Variants in RPGRIP1 observed in about 807,000 individuals in gnomAD.
RPGRIP1 encodes X-linked retinitis pigmentosa GTPase regulator-interacting protein 1.
Under a neutral mutation model 157.9 loss-of-function variants are expected in RPGRIP1, and 128 were observed. The ratio of observed to expected loss-of-function variants is 0.81; its 90% CI spans 0.70 to 0.94. The LOEUF (loss-of-function observed/expected upper bound fraction) is 0.94, where lower values mean the gene tolerates loss of function less well. Among genes scored for constraint, RPGRIP1 ranks in the 40% least tolerant of loss-of-function variants. The pLI, the probability that RPGRIP1 is intolerant of heterozygous loss-of-function variation, is 0.00. For synonymous variants in RPGRIP1, 554 were observed against 571.6 expected (o/e 0.97, Z 0.44); for missense variants, 1,486 against 1,545.8 (o/e 0.96, Z 0.65).
chr14:21,307,165 C>A (rs1253021077), intron 6 of RPGRIP1, among the ~76,000 whole-genome samples: 2 of 152,156 alleles, frequency 1.3e-5, no homozygotes, highest in Non-Finnish European at 2.9e-5. Context: ...TCAAGCGATT[C>A]TCTTGCCCAG....
At chr14:21,305,304 A>G (rs4981368) in intron 6 of RPGRIP1, among the ~76,000 whole-genome samples, 33,896 of 152,146 alleles carry the variant, frequency 0.22, 4,135 homozygotes, top group Admixed American at 0.33. Flanking sequence ...GGGATTACAC[A>G]GTATGTGGCC....
At chr14:21,336,733 A>G (rs987262626) in intron 21 of RPGRIP1, among the ~76,000 whole-genome samples, 1 of 152,232 alleles carries the variant, frequency 6.6e-6, no homozygotes, top group African/African-American at 2.4e-5. Context: ...TTATTGAGTT[A>G]GTGAAAGAGC....
chr14:21,298,027 G>A (rs535745025), intron 3 of RPGRIP1, among the ~76,000 whole-genome samples: 2 of 152,042 alleles, frequency 1.3e-5, no homozygotes, highest in East Asian at 3.9e-4. Flanking sequence ...AGCCATGATT[G>A]GTAAAGAAGT....
At position 21,303,434 on chromosome 14, in the gene RPGRIP1, A is replaced by G; in HGVS notation, c.691A>G (p.Thr231Ala). The G allele has an allele frequency of 5.6e-6, 9 of 1,613,838 alleles. No homozygotes were observed. The highest frequency in any genetic ancestry group is 7.6e-6 in the Non-Finnish European group (9 of 1,179,786). The change falls in exon 6 of 25, where the codon ACC becomes GCC. Residue 231 changes from threonine (T) to alanine (A), a missense_variant. Transcript: ENST00000400017. ...PNSAHIMASN[T>A]MQVEEPPKSP... ...CAGTGCCCACATCATGGCCAGCAAT[A>G]CCATGCAAGTGGAAGAGCCACCCAA...
At chr14:21,313,690 A>C (rs1881640032) in intron 10 of RPGRIP1, among the ~76,000 whole-genome samples, 1 of 151,642 alleles carries the variant, frequency 6.6e-6, no homozygotes, top group East Asian at 1.9e-4. Flanking sequence ...CAGACAGCTG[A>C]GGCAGGAGAA....
At chr14:21,312,867 C>G (rs1054312009) in intron 10 of RPGRIP1, among the ~76,000 whole-genome samples, 1 of 151,880 alleles carries the variant, frequency 6.6e-6, no homozygotes, top group Non-Finnish European at 1.5e-5. Context: ...TGTAGTTTCT[C>G]TCTGTCACCC....
intron 24 of RPGRIP1, among the ~76,000 whole-genome samples, 188 bp from the exon 25 acceptor site, chr14:21,350,916 G>A (rs529835343): frequency 7.9e-5 from 12 of 152,100 alleles, no homozygotes; most frequent in Non-Finnish European, 1.6e-4. Context: ...TGTCCCCAAA[G>A]CAACTTGTGC....
chr14:21,291,578 G>A (rs1880530702), intron 2 of RPGRIP1, among the ~76,000 whole-genome samples: 1 of 151,514 alleles, frequency 6.6e-6, no homozygotes, highest in Admixed American at 6.6e-5. Flanking sequence ...AAAAGTAGAT[G>A]AAGTACCTTT....
At chr14:21,300,858 G>C in intron 3 of RPGRIP1, 108 bp from the exon 4 acceptor site, 1 of 1,285,674 alleles carries the variant, frequency 7.8e-7, no homozygotes, top group Non-Finnish European at 1.1e-6. Flanking sequence ...AATAGATCAC[G>C]GTAGATGAAT....
chr14:21,282,464 C>G (rs1001199767), intron 1 of RPGRIP1, among the ~76,000 whole-genome samples: 1 of 152,112 alleles, frequency 6.6e-6, no homozygotes, highest in African/African-American at 2.4e-5. Flanking sequence ...TCTCGATCTC[C>G]TGACCTCATG....
At position 21,317,716 on chromosome 14, in the gene RPGRIP1, G is replaced by A; in HGVS notation, c.1172G>A (p.Ser391Asn). Residue 391 changes from serine (S) to asparagine (N), a missense_variant, in exon 11 of 25, where the codon AGC becomes AAC. Ser to Asn is a conservative substitution (Grantham distance 46). Transcript: ENST00000400017. Reference protein sequence around the residue: ...LLESMLDSSDSSSQPHWSNEL... With the variant: ...LLESMLDSSDNSSQPHWSNEL... ...GCCAGCATGCTGGACAGCAGTGACA[G>A]CTCCAGTCAGCCCCACTGGAGCAAC... is the stretch of plus-strand genomic sequence containing the variant. 2 of 1,586,478 alleles carry A rather than the reference G, an allele frequency of 1.3e-6. No individual in the cohort carries two copies. The highest frequency in any genetic ancestry group is 1.7e-6 in the Non-Finnish European group (2 of 1,166,236).
chr14:21,305,883 A>G (rs1360915959), intron 6 of RPGRIP1, among the ~76,000 whole-genome samples: 1 of 151,466 alleles, frequency 6.6e-6, no homozygotes, highest in African/African-American at 2.4e-5. Flanking sequence ...AAACAAAACA[A>G]AAAAAGACCA....
chr14:21,301,280 G>A (rs769524098), intron 4 of RPGRIP1, 43 bp downstream of exon 4: 3 of 1,548,126 alleles, frequency 1.9e-6, no homozygotes, highest in Non-Finnish European at 2.6e-6. Flanking sequence ...AAGACACTGG[G>A]AAGGACTGAT....
chr14:21,307,342 C>T (rs1228635703), intron 6 of RPGRIP1, among the ~76,000 whole-genome samples: 1 of 152,262 alleles, frequency 6.6e-6, no homozygotes, highest in Non-Finnish European at 1.5e-5. Context: ...GCGTGAGCCA[C>T]GGTGCCTGGT....
chr14:21,312,699 T>A (rs901740613), intron 10 of RPGRIP1, among the ~76,000 whole-genome samples, 193 bp downstream of exon 10: 5 of 151,936 alleles, frequency 3.3e-5, no homozygotes, highest in Non-Finnish European at 5.9e-5. Context: ...CCTCTTTTTT[T>A]TTTTTTTGAG....
intron 23 of RPGRIP1, among the ~76,000 whole-genome samples, chr14:21,346,889 ACTTTGT>A (rs2139359723): frequency 6.6e-6 from 1 of 152,270 alleles, no homozygotes; most frequent in Admixed American, 6.5e-5. Flanking sequence ...ATCTGCTTTT[ACTTTGT>A]CTTTGGTTAG....
intron 21 of RPGRIP1, among the ~76,000 whole-genome samples, chr14:21,340,993 T>A (rs1884941906): frequency 6.6e-6 from 1 of 151,936 alleles, no homozygotes; most frequent in East Asian, 1.9e-4. Flanking sequence ...TTTGGGAGAG[T>A]TGGATGTTAT....
At chr14:21,322,222 A>T (rs1882577478) in intron 14 of RPGRIP1, among the ~76,000 whole-genome samples, 1 of 151,768 alleles carries the variant, frequency 6.6e-6, no homozygotes. Context: ...CAGTGGTGCG[A>T]TCTTGGCTCA....
intron 1 of RPGRIP1, among the ~76,000 whole-genome samples, chr14:21,285,390 G>C (rs574196514): frequency 1.3e-5 from 2 of 152,038 alleles, no homozygotes; most frequent in Non-Finnish European, 2.9e-5. Flanking sequence ...CAGATCACAA[G>C]ATCAGGAGAT....
Sources: allele counts gnomAD v4.1 joint callset (sites outside exome capture counted in the v4.1 genomes callset), GRCh38; gene constraint gnomAD v4.1.1; transcripts MANE v1.5; gene names NCBI Gene and HGNC (gene_info 2026-07-23, HGNC 2026-07-21).